Variants in ZNF620 observed in about 807,000 individuals in gnomAD.
The protein encoded by ZNF620 is zinc finger protein 620.
Under a neutral mutation model 13.3 loss-of-function variants are expected in ZNF620, and 10 were observed. The ratio of observed to expected loss-of-function variants is 0.75; its 90% confidence interval spans 0.46 to 1.28. The LOEUF is 1.28. Among genes scored for constraint, ZNF620 ranks in the 50% most tolerant of loss-of-function variants. The probability of loss-of-function intolerance (pLI) is 0.00; values close to 1 mark genes in which losing one functional copy is unlikely to be tolerated. For missense variants in ZNF620, 461 were observed against 500.2 expected, an observed-to-expected ratio of 0.92 and a Z score of 0.75; for synonymous variants, 166 against 177.6, an observed-to-expected ratio of 0.93 and a Z score of 0.52.
rs1272824321 is a variant in ZNF620 at position 40,513,342 on chromosome 3, T to A, written c.265+827T>A. On this transcript the variant is annotated intron_variant, in intron 4 of 4. Transcript: ENST00000314529. The stretch of plus-strand genomic sequence containing the variant: ...ATATATATATATATATATATATATA[T>A]ATATATATATATGGCCAGGTGTGGT... 3.8e-5 allele frequency among the ~76,000 whole-genome samples: 5 copies of A among 132,204 alleles called. 1 individual carries two copies. The highest frequency in any genetic ancestry group is 5.9e-5 in the African/African-American group (2 of 34,048). The allele number at this position is 132,204 out of a possible 152,430, so 86.7% of individuals were successfully genotyped here. A position where few individuals can be genotyped will look rare whatever the true frequency, so the allele number is the denominator to read the frequency against.
chr3:40,509,294 T>C (rs1451888715), intron 2 of ZNF620, among the ~76,000 whole-genome samples: 1 of 152,074 alleles, frequency 6.6e-6, no homozygotes, highest in Non-Finnish European at 1.5e-5. Flanking sequence ...TGCAATGGTA[T>C]GATCTCGGCT....
Position 40,516,606 on chromosome 3 carries a change from T to C in ZNF620, c.1012T>C (p.Cys338Arg), listed in dbSNP as rs768620725. The C allele has an allele frequency of 5.0e-6, 8 of 1,614,024 alleles. No individual in the cohort carries two copies. Among genetic ancestry groups the C allele is most frequent in the African/African-American group, 1.3e-5 (1 of 74,936 alleles). Residue 338 changes from cysteine (C) to arginine (R), a missense_variant, in exon 5 of 5, where the codon TGT becomes CGT. Coordinates refer to ENST00000314529, the MANE Select transcript of ZNF620 (RefSeq NM_175888.4). ...RMHTGEKPYE[C>R]KECGKRLSSN... ...GCACACTGGGGAGAAACCTTATGAA[T>C]GTAAAGAGTGTGGAAAACGATTAAG...
At chr3:40,510,592 C>T (rs759968847) in intron 2 of ZNF620, among the ~76,000 whole-genome samples, 1 of 152,188 alleles carries the variant, frequency 6.6e-6, no homozygotes, top group Non-Finnish European at 1.5e-5. Context: ...CTTAGCTCAT[C>T]CTTAGTTCTG....
At chr3:40,510,746 TTC>T (rs922609578) in intron 2 of ZNF620, among the ~76,000 whole-genome samples, 1 of 152,076 alleles carries the variant, frequency 6.6e-6, no homozygotes, top group African/African-American at 2.4e-5. Context: ...GCTTTGATTC[TTC>T]TCTCTCTCTC....
chr3:40,517,145 A>G lies in ZNF620; in HGVS notation c.*282A>G. 1 of 256,010 alleles carries G rather than the reference A, an allele frequency of 3.9e-6. No individual in the cohort carries two copies. The highest frequency in any genetic ancestry group is 1.5e-4 in the South Asian group (1 of 6,736). The allele number at this position is 256,010 out of a possible 1,614,324, so 15.9% of individuals were successfully genotyped here. A position where few individuals can be genotyped will look rare whatever the true frequency, so the allele number is the denominator to read the frequency against. On this transcript the variant is annotated 3_prime_UTR_variant, in exon 5 of 5. Transcript: ENST00000314529. ...ATGGATTCAAGGGAAACCTACATTA[A>G]GGAAAATTGCTGTGAATTATGAAAA...
chr3:40,509,975 GA>G (rs2125657169), intron 2 of ZNF620, among the ~76,000 whole-genome samples: 1 of 151,850 alleles, frequency 6.6e-6, no homozygotes, highest in South Asian at 2.1e-4. Flanking sequence ...GGCAGGAGGG[GA>G]AATCCAGCCC....
chr3:40,506,920 A>C (rs2125654160), intron 2 of ZNF620, among the ~76,000 whole-genome samples: 1 of 152,266 alleles, frequency 6.6e-6, no homozygotes, highest in East Asian at 1.9e-4. Context: ...AATCTTTCAC[A>C]CTGAAGACTG....
rs1261499983 is a variant in ZNF620 at position 40,516,782 on chromosome 3, G to A, written c.1188G>A (p.Val396=). 3.7e-6 allele frequency: 6 copies of A among 1,614,096 alleles called. No individual in the cohort carries two copies. The highest frequency in any genetic ancestry group is 2.2e-5 in the East Asian group (1 of 44,900). Residue 396 remains valine (V), a synonymous_variant, in exon 5 of 5, where the codon GTG becomes GTA. Coordinates refer to ENST00000314529, the MANE Select transcript of ZNF620 (RefSeq NM_175888.4). Reference sequence around the variant, plus strand: ...GCGAGAAACCTTATGAGTGTAAAGTGTGTGGTAAAACCTTCAGCTGGTGTG... The same window carrying A: ...GCGAGAAACCTTATGAGTGTAAAGTATGTGGTAAAACCTTCAGCTGGTGTG... The part of the protein sequence containing the change: ...HTGEKPYECK[V]CGKTFSWCGR...
At chr3:40,513,671 G>A (rs1389284546) in intron 4 of ZNF620, among the ~76,000 whole-genome samples, 2 of 151,384 alleles carry the variant, frequency 1.3e-5, no homozygotes, top group Non-Finnish European at 2.9e-5. Context: ...AGCTGTTCCA[G>A]TATAATAAAG....
chr3:40,507,097 T>G (rs1003117966), intron 2 of ZNF620, among the ~76,000 whole-genome samples: 3 of 145,818 alleles, frequency 2.1e-5, no homozygotes, highest in Admixed American at 1.4e-4. Flanking sequence ...TGGTTTTTTT[T>G]TTTTTTTTTT....
intron 4 of ZNF620, among the ~76,000 whole-genome samples, chr3:40,514,357 C>T (rs1416618280): frequency 1.3e-5 from 2 of 152,158 alleles, no homozygotes; most frequent in African/African-American, 2.4e-5. Context: ...ACTCTCACTC[C>T]ATACCCTGCC....
chr3:40,506,421 G>C (rs1292475098), intron 2 of ZNF620, 45 bp downstream of exon 2: 3 of 1,074,668 alleles, frequency 2.8e-6, no homozygotes, highest in African/African-American at 3.5e-5. Context: ...TAGATGTCAA[G>C]AGAGAGCAGG....
rs529856260 is a variant in ZNF620 at position 40,510,774 on chromosome 3, G to C, written c.25-696G>C. On this transcript the variant is annotated intron_variant, in intron 2 of 4. Transcript: ENST00000314529. ...TCTCTCTCTCTTTTTTTTGAGACAGGGTCTCACTCTGTCACCCAGGCTGGC... is the reference window on the plus strand; with the variant it reads ...TCTCTCTCTCTTTTTTTTGAGACAGCGTCTCACTCTGTCACCCAGGCTGGC... 9.6e-4 allele frequency among the ~76,000 whole-genome samples: 145 copies of C among 151,352 alleles called. 1 individual carries two copies. Among genetic ancestry groups the C allele is most frequent in the African/African-American group, 3.5e-3 (143 of 41,268 alleles).
rs1698013824 is a variant in ZNF620 at position 40,506,284 on chromosome 3, CTTCT to C, written c.-49-17_-49-14del. On this transcript the variant is annotated splice_polypyrimidine_tract_variant and intron_variant, in intron 1 of 4. Coordinates refer to ENST00000314529, the MANE Select transcript of ZNF620 (RefSeq NM_175888.4). ...CGAGGCAGCATCAATCTCACCGGTG[CTTCT>C]TTATTTTCTCTTCAGTTTCACTTCT... 2.5e-6 allele frequency: 4 copies of C among 1,603,734 alleles called. No homozygotes were observed. Among genetic ancestry groups the C allele is most frequent in the African/African-American group, 1.3e-5 (1 of 74,866 alleles).
Position 40,516,844 on chromosome 3 carries a change from A to C in ZNF620, c.1250A>C (p.Lys417Thr), listed in dbSNP as rs761608840. ...FILHQKLHTQ[K>T]TPVQA ...CTGCATCAGAAACTACACACTCAGA[A>C]GACACCTGTCCAAGCATAGGGCTAT... Residue 417 changes from lysine (K) to threonine (T), a missense_variant, in exon 5 of 5, where the codon AAG becomes ACG. By Grantham distance (78) the Lys-to-Thr change is moderately conservative. Coordinates refer to ENST00000314529, the MANE Select transcript of ZNF620 (RefSeq NM_175888.4). The C allele has an allele frequency of 6.2e-7, 1 of 1,609,350 alleles. No individual in the cohort carries two copies. The highest frequency in any genetic ancestry group is 1.7e-5 in the Admixed American group (1 of 59,888).
chr3:40,517,959 G>A lies in ZNF620; in HGVS notation c.*1096G>A, dbSNP rs1037514548. 1.3e-5 allele frequency: 2 copies of A among 152,318 alleles called. No homozygotes were observed. Among genetic ancestry groups the A allele is most frequent in the African/African-American group, 4.8e-5 (2 of 41,556 alleles). The allele number at this position is 152,318 out of a possible 1,614,324, so 9.4% of individuals were successfully genotyped here. Reference sequence around the variant, plus strand: ...ACCCACCCTACTTATTCTTCAGTTTGTCTTCACTAGACAGTTGTACTCTGT... The same window carrying A: ...ACCCACCCTACTTATTCTTCAGTTTATCTTCACTAGACAGTTGTACTCTGT... On this transcript the variant is annotated 3_prime_UTR_variant, in exon 5 of 5. Transcript: ENST00000314529.
intron 2 of ZNF620, among the ~76,000 whole-genome samples, chr3:40,506,910 A>C (rs1698040110): frequency 6.6e-6 from 1 of 152,096 alleles, no homozygotes; most frequent in Non-Finnish European, 1.5e-5. Flanking sequence ...GAAAGCATTC[A>C]ATCTTTCACA....
intron 3 of ZNF620, 39 bp from the exon 4 acceptor site, chr3:40,512,363 A>AT (rs1698226823): frequency 6.4e-7 from 1 of 1,572,956 alleles, no homozygotes; most frequent in South Asian, 1.1e-5. Flanking sequence ...CTGGTTCCTG[A>AT]TTCCCCTTAC....
intron 2 of ZNF620, among the ~76,000 whole-genome samples, chr3:40,508,294 C>CT (rs545241250): frequency 2.9e-4 from 42 of 147,084 alleles, no homozygotes; most frequent in African/African-American, 8.4e-4. Context: ...TGAGATCTTT[C>CT]TTTTTTTTTT....
Sources: allele counts gnomAD v4.1 joint callset (sites outside exome capture counted in the v4.1 genomes callset), GRCh38; gene constraint gnomAD v4.1.1; transcripts MANE v1.5; gene names NCBI Gene and HGNC (gene_info 2026-07-23, HGNC 2026-07-21).